RYR3: variants seen among roughly 807,000 people sequenced by gnomAD.
RYR3 encodes the protein brain ryanodine receptor-calcium release channel.
In RYR3, 207 loss-of-function variants were observed where a neutral mutation model predicts 584.3. The ratio of observed to expected loss-of-function variants is 0.35; its 90% CI spans 0.32 to 0.40. The LOEUF is 0.40. RYR3 is among the 10% of genes least tolerant of loss of function. The pLI is 1.00. For missense variants in RYR3, 5,616 were observed against 6,089.2 expected (o/e 0.92, Z 2.59); for synonymous variants, 2,416 against 2,248.5 (o/e 1.07, Z -2.11).
chr15:33,318,354 C>T (rs1322476873), intron 1 of RYR3, among the ~76,000 whole-genome samples: 1 of 152,250 alleles, frequency 6.6e-6, no homozygotes, highest in Admixed American at 6.5e-5. Context: ...TGTCTTTCTC[C>T]TTGGTCTGTC....
intron 3 of RYR3, among the ~76,000 whole-genome samples, chr15:33,513,251 T>A (rs2053201494): frequency 6.6e-6 from 1 of 152,188 alleles, no homozygotes; most frequent in African/African-American, 2.4e-5. Flanking sequence ...AGAGCAAACT[T>A]CAATTTATTT....
At chr15:33,683,357 G>A (rs934506766) in intron 38 of RYR3, among the ~76,000 whole-genome samples, 1 of 152,074 alleles carries the variant, frequency 6.6e-6, no homozygotes, top group Non-Finnish European at 1.5e-5. Context: ...CATTTCTAAA[G>A]ATGAACTCAG....
At chr15:33,518,157 G>A (rs1185875607) in intron 3 of RYR3, among the ~76,000 whole-genome samples, 1 of 152,086 alleles carries the variant, frequency 6.6e-6, no homozygotes, top group Non-Finnish European at 1.5e-5. Flanking sequence ...CTCACTGTGG[G>A]CCATCACAAA....
At chr15:33,627,972 G>T (rs530655949) in intron 20 of RYR3, among the ~76,000 whole-genome samples, 1 of 152,264 alleles carries the variant, frequency 6.6e-6, no homozygotes, top group South Asian at 2.1e-4. Flanking sequence ...TAAAGAGGTA[G>T]TGGGGCCATG....
intron 67 of RYR3, among the ~76,000 whole-genome samples, chr15:33,796,165 C>T (rs1188929037): frequency 2.0e-5 from 3 of 152,114 alleles, no homozygotes; most frequent in Admixed American, 6.5e-5. Flanking sequence ...GACAAAGTCT[C>T]GCTCTGTCGC....
intron 52 of RYR3, among the ~76,000 whole-genome samples, chr15:33,744,279 T>C (rs751529202): frequency 5.3e-5 from 8 of 152,180 alleles, no homozygotes. Context: ...CGCTTAGGTA[T>C]TTGTATTTAT....
At chr15:33,533,843 A>C (rs2055087942) in intron 5 of RYR3, among the ~76,000 whole-genome samples, 1 of 152,190 alleles carries the variant, frequency 6.6e-6, no homozygotes, top group African/African-American at 2.4e-5. Flanking sequence ...GACATCTATA[A>C]TCGTGATTTT....
intron 12 of RYR3, among the ~76,000 whole-genome samples, chr15:33,575,830 G>GTTT (rs71117152): frequency 1.4e-4 from 20 of 138,542 alleles, no homozygotes; most frequent in South Asian, 1.3e-3. Context: ...ACAGGAGCTG[G>GTTT]TTTTAAAAAA....
intron 1 of RYR3, among the ~76,000 whole-genome samples, chr15:33,406,292 A>G (rs2043013033): frequency 6.6e-6 from 1 of 152,206 alleles, no homozygotes; most frequent in South Asian, 2.1e-4. Context: ...AAGAAGTCCC[A>G]AGGAGTGGAT....
intron 8 of RYR3, among the ~76,000 whole-genome samples, chr15:33,547,420 G>A (rs962862455): frequency 3.9e-5 from 6 of 152,172 alleles, no homozygotes; most frequent in South Asian, 2.1e-4. Flanking sequence ...TGACATACTC[G>A]TGTTGGTTTC....
intron 1 of RYR3, among the ~76,000 whole-genome samples, chr15:33,460,605 G>A (rs2047941131): frequency 6.6e-6 from 1 of 152,192 alleles, no homozygotes; most frequent in Non-Finnish European, 1.5e-5. Flanking sequence ...GCACTGCATG[G>A]TGTGTAATGG....
intron 2 of RYR3, among the ~76,000 whole-genome samples, chr15:33,483,404 T>C (rs2142373033): frequency 6.6e-6 from 1 of 152,326 alleles, no homozygotes; most frequent in East Asian, 1.9e-4. Flanking sequence ...GATGATATTT[T>C]ATAGTTATTC....
intron 2 of RYR3, among the ~76,000 whole-genome samples, chr15:33,500,645 T>A (rs1351626131): frequency 6.6e-6 from 1 of 152,146 alleles, no homozygotes; most frequent in African/African-American, 2.4e-5. Context: ...CTTCTCTCCA[T>A]GCTGAGAGTC....
At chr15:33,716,918 A>G (rs1466048703) in intron 43 of RYR3, among the ~76,000 whole-genome samples, 1 of 152,178 alleles carries the variant, frequency 6.6e-6, no homozygotes, top group Non-Finnish European at 1.5e-5. Context: ...ACAAAATGGC[A>G]GTATTATGAT....
chr15:33,586,150 T>G (rs139748024), intron 16 of RYR3, 34 bp downstream of exon 16: 3 of 1,252,206 alleles, frequency 2.4e-6, no homozygotes, highest in South Asian at 1.2e-5. Context: ...TGACTTTGCC[T>G]GGTGTTTCCC....
chr15:33,558,775 G>A (rs569703690), intron 10 of RYR3, among the ~76,000 whole-genome samples: 1 of 152,204 alleles, frequency 6.6e-6, no homozygotes, highest in East Asian at 1.9e-4. Context: ...GTATGATGAA[G>A]CCAATAAATC....
intron 1 of RYR3, among the ~76,000 whole-genome samples, chr15:33,368,541 G>C (rs1403500741): frequency 6.6e-6 from 1 of 151,984 alleles, no homozygotes. Flanking sequence ...TTGAAGCTGA[G>C]ATTTCTGGAA....
At chr15:33,435,457 A>G (rs772789228) in intron 1 of RYR3, among the ~76,000 whole-genome samples, 1 of 152,120 alleles carries the variant, frequency 6.6e-6, no homozygotes, top group Non-Finnish European at 1.5e-5. Context: ...GGGGCTCTGG[A>G]TATGTGTATG....
chr15:33,808,466 A>G (rs896189618), intron 70 of RYR3, among the ~76,000 whole-genome samples: 3 of 152,228 alleles, frequency 2.0e-5, no homozygotes, highest in Non-Finnish European at 2.9e-5. Flanking sequence ...TAGATTGTGT[A>G]ATCAAATCCA....
Sources: gnomAD v4.1 joint callset for allele counts (sites outside exome capture counted in the v4.1 genomes callset) on GRCh38, gnomAD v4.1.1 for gene constraint, MANE v1.5 for transcripts, NCBI Gene and HGNC (gene_info 2026-07-23, HGNC 2026-07-21) for gene names.